Variants in CDC42SE2 observed in about 807,000 individuals in gnomAD.
The protein encoded by CDC42SE2 is CDC42 small effector 2.
CDC42SE2 carries 3 observed loss-of-function variants against 11.5 expected under a neutral mutation model. That is an observed-to-expected ratio of 0.26 (90% CI 0.12 to 0.67). The LOEUF is 0.67. Among genes scored for constraint, CDC42SE2 ranks in the 30% least tolerant of loss-of-function variants. The pLI, the probability that CDC42SE2 is intolerant of heterozygous loss-of-function variation, is 0.80. For synonymous variants in CDC42SE2, 33 were observed against 34.8 expected (o/e 0.95, Z 0.18); for missense variants, 82 against 106.8 (o/e 0.77, Z 1.02).
chr5:131,335,652 C>T (rs1215715413), intron 2 of CDC42SE2, among the ~76,000 whole-genome samples: 2 of 152,190 alleles, frequency 1.3e-5, no homozygotes, highest in Admixed American at 6.5e-5. Context: ...CTGGGTGCTC[C>T]TGTATTGGAT....
intron 2 of CDC42SE2, among the ~76,000 whole-genome samples, chr5:131,336,550 A>G (rs1026412531): frequency 6.6e-6 from 1 of 152,154 alleles, no homozygotes; most frequent in Admixed American, 6.5e-5. Context: ...CTCCTGGATA[A>G]TATCCTGCAT....
At chr5:131,343,946 C>A (rs1219219304) in intron 2 of CDC42SE2, among the ~76,000 whole-genome samples, 1 of 152,118 alleles carries the variant, frequency 6.6e-6, no homozygotes, top group Non-Finnish European at 1.5e-5. Flanking sequence ...ATATAATATT[C>A]TCTCTTATGT....
Position 131,364,668 on chromosome 5 carries a change from T to G in CDC42SE2, c.54+5121T>G, listed in dbSNP as rs577121804. 2.0e-5 allele frequency among the ~76,000 whole-genome samples: 3 copies of G among 152,364 alleles called. No homozygotes were observed. The East Asian group carries it at 5.8e-4, about 29-fold the overall frequency. The stretch of plus-strand genomic sequence containing the variant: ...ACTGTAGCCCAGTGAGCCACTTCAC[T>G]CCTTCATGCACATTTAGCCTCCTCA... On this transcript the variant is annotated intron_variant, in intron 3 of 4. Transcript: ENST00000505065.
chr5:131,350,647 ATG>A, intron 2 of CDC42SE2, among the ~76,000 whole-genome samples: 1 of 151,332 alleles, frequency 6.6e-6, no homozygotes, highest in Admixed American at 6.6e-5. Context: ...GTATATATAT[ATG>A]TATATATAAT....
intron 1 of CDC42SE2, among the ~76,000 whole-genome samples, chr5:131,248,506 G>A (rs1010479269): frequency 6.6e-6 from 1 of 152,100 alleles, no homozygotes; most frequent in Non-Finnish European, 1.5e-5. Flanking sequence ...AATCTTCATT[G>A]GTGGTCCTAA....
At chr5:131,286,687 A>T (rs1051639131) in intron 1 of CDC42SE2, among the ~76,000 whole-genome samples, 3 of 152,080 alleles carry the variant, frequency 2.0e-5, no homozygotes, top group Non-Finnish European at 4.4e-5. Flanking sequence ...GAAGATGATA[A>T]GGATGAAGAC....
At chr5:131,235,359 G>A in the CDC42SE2 span, among the ~76,000 whole-genome samples, 1 of 150,134 alleles carries the variant, frequency 6.7e-6, no homozygotes, top group South Asian at 2.1e-4. Context: ...GCATGATCTC[G>A]GCTCACTGCA....
chr5:131,222,280 C>G, the CDC42SE2 span, among the ~76,000 whole-genome samples: 220 of 152,306 alleles, frequency 1.4e-3, no homozygotes, highest in Non-Finnish European at 1.9e-3. Flanking sequence ...TCTTGGCCAT[C>G]CAAAAGTCTC....
intron 3 of CDC42SE2, among the ~76,000 whole-genome samples, chr5:131,367,859 C>T (rs1749904194): frequency 6.6e-6 from 1 of 152,022 alleles, no homozygotes; most frequent in Admixed American, 6.6e-5. Context: ...ATAATTTTGC[C>T]TTTTAGAAGC....
chr5:131,246,679 G>A (rs1415981590), intron 1 of CDC42SE2, among the ~76,000 whole-genome samples: 1 of 151,458 alleles, frequency 6.6e-6, no homozygotes, highest in Non-Finnish European at 1.5e-5. Context: ...GGTGGGTGAG[G>A]GTCCATGTTT....
At chr5:131,322,393 C>A (rs1388122966) in intron 2 of CDC42SE2, among the ~76,000 whole-genome samples, 1 of 152,200 alleles carries the variant, frequency 6.6e-6, no homozygotes, top group African/African-American at 2.4e-5. Context: ...ACTTTAGATT[C>A]CTCATGTAAA....
intron 1 of CDC42SE2, among the ~76,000 whole-genome samples, chr5:131,245,838 CTTTTA>C (rs2149681851): frequency 6.6e-6 from 1 of 152,222 alleles, no homozygotes; most frequent in African/African-American, 2.4e-5. Flanking sequence ...ATAAACTTGA[CTTTTA>C]TTTTAGTCTA....
chr5:131,252,959 C>T (rs1756653306), intron 1 of CDC42SE2: 1 of 152,222 alleles, frequency 6.6e-6, no homozygotes, highest in Admixed American at 6.5e-5. Context: ...GATAATACTT[C>T]TAAACTGCGC....
chr5:131,244,463 C>T (rs1042797739), upstream of CDC42SE2, among the ~76,000 whole-genome samples: 6 of 152,196 alleles, frequency 3.9e-5, no homozygotes, highest in Non-Finnish European at 5.9e-5. Flanking sequence ...GTAATCCCAG[C>T]GCTTTGGGAA....
intron 3 of CDC42SE2, among the ~76,000 whole-genome samples, chr5:131,382,580 G>A (rs530666379): frequency 1.3e-5 from 2 of 152,284 alleles, no homozygotes; most frequent in East Asian, 3.9e-4. Flanking sequence ...CTGGAAGTAG[G>A]TACCAGGAAG....
chr5:131,386,002 C>G (rs533341833), intron 4 of CDC42SE2, among the ~76,000 whole-genome samples: 2 of 152,172 alleles, frequency 1.3e-5, no homozygotes, highest in Non-Finnish European at 2.9e-5. Flanking sequence ...TAATAATAAT[C>G]TCTTTTTGTT....
At chr5:131,260,240 G>T (rs549923237), upstream of CDC42SE2, among the ~76,000 whole-genome samples, 1 of 152,262 alleles carries the variant, frequency 6.6e-6, no homozygotes, top group South Asian at 2.1e-4. Flanking sequence ...GCAGAATTTG[G>T]ATTTGAACTC....
chr5:131,274,922 C>T (rs1757070847), intron 1 of CDC42SE2, among the ~76,000 whole-genome samples: 1 of 152,158 alleles, frequency 6.6e-6, no homozygotes, highest in Non-Finnish European at 1.5e-5. Context: ...TCTTGTCACT[C>T]ATGTCTTTGG....
In CDC42SE2 at chr5:131,391,016, G is replaced by A; in HGVS notation, c.180G>A (p.Met60Ile). The change falls in exon 5 of 5, where the codon ATG (methionine) becomes ATA (isoleucine). Residue 60 changes from methionine (M) to isoleucine (I), a missense_variant. Met to Ile is a conservative substitution (Grantham distance 10). Transcript: ENST00000505065. ...AGGTTAGCTCCATTCAGAACCAAAT[G>A]CAGTCCAAGGGAGGTTATGGAGGTG... ...MNSVSSIQNQ[M>I]QSKGGYGGGM... is the part of the protein sequence containing the mutation. 6.2e-7 allele frequency: 1 copy of A among 1,612,538 alleles called. No homozygotes were observed. The highest frequency in any genetic ancestry group is 8.5e-7 in the Non-Finnish European group (1 of 1,178,944).
Sources: gnomAD v4.1 joint callset for allele counts (sites outside exome capture counted in the v4.1 genomes callset) on GRCh38, gnomAD v4.1.1 for gene constraint, MANE v1.5 for transcripts, NCBI Gene and HGNC (gene_info 2026-07-23, HGNC 2026-07-21) for gene names.